The following IL10RB variants were observed in gnomAD, a reference collection of about 807,000 sequenced individuals.
The protein encoded by IL10RB is interleukin-10 receptor subunit beta.
Under a neutral mutation model 38.7 loss-of-function variants are expected in IL10RB, and 30 were observed. The observed-to-expected ratio is 0.78, with a 90% confidence interval of 0.58 to 1.05. The LOEUF (loss-of-function observed/expected upper bound fraction) is 1.05, where lower values mean the gene tolerates loss of function less well. Among genes scored for constraint, IL10RB ranks in the 50% least tolerant of loss-of-function variants. The pLI, the probability that IL10RB is intolerant of heterozygous loss-of-function variation, is 0.00. For synonymous variants in IL10RB, 142 were observed against 145.9 expected (o/e 0.97, Z 0.19); for missense variants, 328 against 397.1 (o/e 0.83, Z 1.48).
Position 33,269,509 on chromosome 21 carries a change from G to A in IL10RB, c.173+992G>A, listed in dbSNP as rs8129374. On this transcript the variant is annotated intron_variant, in intron 2 of 6. Coordinates refer to ENST00000290200, the MANE Select transcript of IL10RB (RefSeq NM_000628.5). Reference sequence around the variant, plus strand: ...GCTACATCAGAGAAGAAGTAGAAAGGTGAATAAGATAGTCCTCGTCTGTGC... The same window carrying A: ...GCTACATCAGAGAAGAAGTAGAAAGATGAATAAGATAGTCCTCGTCTGTGC... Among the ~76,000 whole-genome samples the A allele has an allele frequency of 8.4e-3, 1,272 of 152,300 alleles. 22 individuals are homozygous for A. Among genetic ancestry groups the A allele is most frequent in the African/African-American group, 0.029 (1,212 of 41,558 alleles).
At chr21:33,266,585 T>A in intron 1 of IL10RB, 71 bp downstream of exon 1, 1 of 1,452,688 alleles carries the variant, frequency 6.9e-7, no homozygotes, top group Non-Finnish European at 9.3e-7. Context: ...CCTGATCCCA[T>A]CCCTGGGCGC....
At chr21:33,281,335 C>G (rs1989276036) in intron 4 of IL10RB, among the ~76,000 whole-genome samples, 1 of 152,208 alleles carries the variant, frequency 6.6e-6, no homozygotes, top group African/African-American at 2.4e-5. Context: ...AGCAACAGAC[C>G]TCAATTAAGG....
intron 6 of IL10RB, among the ~76,000 whole-genome samples, chr21:33,292,602 A>G (rs1372191239): frequency 6.6e-6 from 1 of 152,160 alleles, no homozygotes; most frequent in African/African-American, 2.4e-5. Context: ...GTCCCTCGTC[A>G]GAAGCTCTGT....
chr21:33,289,852 C>A (rs1002498204), intron 6 of IL10RB, among the ~76,000 whole-genome samples: 5 of 152,184 alleles, frequency 3.3e-5, no homozygotes, highest in African/African-American at 1.2e-4. Context: ...GTGGCTTATG[C>A]CTGTAAGCCT....
intron 2 of IL10RB, among the ~76,000 whole-genome samples, chr21:33,275,844 C>A (rs1483659762): frequency 1.3e-5 from 2 of 152,226 alleles, no homozygotes; most frequent in Non-Finnish European, 2.9e-5. Flanking sequence ...TCAGAACACT[C>A]ACAACATCTA....
chr21:33,302,271 G>T (rs573905574), intron 1 of IL10RB, among the ~76,000 whole-genome samples: 1 of 152,356 alleles, frequency 6.6e-6, no homozygotes, highest in Non-Finnish European at 1.5e-5. Flanking sequence ...CCTCATCCAG[G>T]GAGCTGCCAA....
At chr21:33,285,861 G>A (rs374485419) in intron 5 of IL10RB, among the ~76,000 whole-genome samples, 1 of 152,186 alleles carries the variant, frequency 6.6e-6, no homozygotes, top group African/African-American at 2.4e-5. Context: ...TGGACTGGGG[G>A]CCGCTCCAGC....
chr21:33,282,490 G>A (rs1275066458), intron 4 of IL10RB, among the ~76,000 whole-genome samples: 6 of 152,136 alleles, frequency 3.9e-5, no homozygotes, highest in Admixed American at 1.3e-4. Context: ...AGCCATGATC[G>A]TGCCACTGCA....
chr21:33,276,888 T>G (rs184520541), intron 3 of IL10RB, 135 bp downstream of exon 3: 1 of 707,166 alleles, frequency 1.4e-6, no homozygotes, highest in African/African-American at 1.8e-5. Flanking sequence ...TTAAGGAATA[T>G]AATAAAGAGA....
chr21:33,279,612 A>G (rs1989241785), intron 3 of IL10RB, 140 bp from the exon 4 acceptor site: 1 of 756,340 alleles, frequency 1.3e-6, no homozygotes, highest in Admixed American at 1.9e-5. Context: ...CTTCTTAGCC[A>G]TGTCAATCAA....
At chr21:33,272,401 T>A (rs1222293231) in intron 2 of IL10RB, among the ~76,000 whole-genome samples, 1 of 152,174 alleles carries the variant, frequency 6.6e-6, no homozygotes, top group Non-Finnish European at 1.5e-5. Flanking sequence ...GGGGGACCAA[T>A]CAGATAGCTC....
Position 33,279,869 on chromosome 21 carries a change from A to G in IL10RB, c.449A>G (p.Asn150Ser), listed in dbSNP as rs1989248302. 2 of 1,613,974 alleles carry G rather than the reference A, an allele frequency of 1.2e-6. No homozygotes were observed. Among genetic ancestry groups the G allele is most frequent in the Non-Finnish European group, 8.5e-7 (1 of 1,179,828 alleles). Reference sequence around the variant, plus strand: ...ACTTGGACTATGAAGAATGTGTATAACTCATGGACTTATAATGTGCAATAC... The same window carrying G: ...ACTTGGACTATGAAGAATGTGTATAGCTCATGGACTTATAATGTGCAATAC... The part of the protein sequence containing the change: ...YETWTMKNVY[N>S]SWTYNVQYWK... The change falls in exon 4 of 7, where the codon AAC (asparagine) becomes AGC (serine). Residue 150 changes from asparagine (N) to serine (S), a missense_variant. Physicochemically the swap from Asn to Ser is conservative, Grantham distance 46 (BLOSUM62 1). Transcript: ENST00000290200.
At position 33,296,844 on chromosome 21, in the gene IL10RB, T is replaced by A; in HGVS notation, c.*487T>A. 3.4e-6 allele frequency: 1 copy of A among 295,050 alleles called. No homozygotes were observed. Among genetic ancestry groups the A allele is most frequent in the Non-Finnish European group, 6.6e-6 (1 of 151,676 alleles). 18.3% of individuals were successfully genotyped at this position (295,050 alleles called of 1,614,324 possible). A position where few individuals can be genotyped will look rare whatever the true frequency, so the allele number is the denominator to read the frequency against. ...ATGCCTATAATCCCAGCTACTCGAG[T>A]GCCTGAGGCAGGAGAATTGCATGAA... is the stretch of plus-strand genomic sequence containing the variant. On this transcript the variant is annotated 3_prime_UTR_variant, in exon 7 of 7. Coordinates refer to ENST00000290200, the MANE Select transcript of IL10RB (RefSeq NM_000628.5).
downstream of IL10RB, among the ~76,000 whole-genome samples, chr21:33,301,986 T>G (rs901159779): frequency 6.6e-6 from 1 of 152,166 alleles, no homozygotes; most frequent in Admixed American, 6.5e-5. Context: ...CTTCTACCCA[T>G]GGAAAGCGAC....
At chr21:33,309,711 T>A (rs1362685491) in exon 2 of IL10RB, 1 of 152,242 alleles carries the variant, frequency 6.6e-6, no homozygotes. Flanking sequence ...TGCTTATGCA[T>A]GCTTTCTGCG....
chr21:33,290,573 G>A (rs944980828), intron 6 of IL10RB, among the ~76,000 whole-genome samples: 6 of 152,174 alleles, frequency 3.9e-5, no homozygotes, highest in African/African-American at 1.4e-4. Flanking sequence ...CCTGCCCTGC[G>A]CTTGCTTCCT....
rs1473515595 is a variant in IL10RB, at chr21:33,279,878, C to T, written c.458C>T (p.Thr153Ile). ...WTMKNVYNSW[T>I]YNVQYWKNGT... The stretch of plus-strand genomic sequence containing the variant: ...ATGAAGAATGTGTATAACTCATGGA[C>T]TTATAATGTGCAATACTGGAAAAAC... The change falls in exon 4 of 7, where the codon ACT becomes ATT. Residue 153 changes from threonine (T) to isoleucine (I), a missense_variant. Thr to Ile is a moderately conservative substitution (Grantham distance 89, BLOSUM62 -1). Coordinates refer to ENST00000290200, the MANE Select transcript of IL10RB (RefSeq NM_000628.5). 3 of 1,613,388 alleles carry T rather than the reference C, an allele frequency of 1.9e-6. No homozygotes were observed. Among genetic ancestry groups the T allele is most frequent in the African/African-American group, 2.7e-5 (2 of 74,848 alleles).
intron 1 of IL10RB, among the ~76,000 whole-genome samples, chr21:33,267,522 T>G (rs950467998): frequency 6.7e-6 from 1 of 149,690 alleles, no homozygotes. Flanking sequence ...TTTTTTGTTT[T>G]TTTTTGAGAC....
At position 33,305,268 on chromosome 21, in the gene IL10RB, C is replaced by A. The variant is rs1422562359; in HGVS notation, c.130-3708C>A. Among the ~76,000 whole-genome samples the A allele has an allele frequency of 2.6e-5, 4 of 152,136 alleles. No homozygotes were observed. The East Asian group carries it at 7.7e-4, about 29-fold the overall frequency. On this transcript the variant is annotated intron_variant, in intron 1 of 1. Coordinates refer to the IL10RB transcript ENST00000609556. ...GAACTACCGATGCGCACCACCACGA[C>A]AGGCTAATTTTTTTTTCTTTTTATA...
Sources: allele counts gnomAD v4.1 joint callset (sites outside exome capture counted in the v4.1 genomes callset), GRCh38; gene constraint gnomAD v4.1.1; transcripts MANE v1.5; gene names NCBI Gene and HGNC (gene_info 2026-07-23, HGNC 2026-07-21).